ZNF423: variants seen among roughly 807,000 people sequenced by gnomAD.
ZNF423 encodes zinc finger protein 423.
Under a neutral mutation model 95.8 loss-of-function variants are expected in ZNF423, and 12 were observed. That is an observed-to-expected ratio of 0.13 (90% CI 0.08 to 0.20). ZNF423 has a LOEUF of 0.20. ZNF423 is among the 10% of genes least tolerant of loss of function. The pLI is 1.00. For missense variants in ZNF423, 1,316 were observed against 1,737.1 expected (o/e 0.76, Z 4.31); for synonymous variants, 749 against 711.9 (o/e 1.05, Z -0.83).
At chr16:49,661,498 T>G (rs2030226529) in intron 3 of ZNF423, among the ~76,000 whole-genome samples, 1 of 152,164 alleles carries the variant, frequency 6.6e-6, no homozygotes, top group African/African-American at 2.4e-5. Flanking sequence ...CCCTTGTAAT[T>G]TTTTCAGGAG....
intron 1 of ZNF423, among the ~76,000 whole-genome samples, chr16:49,792,352 CA>C (rs2034430603): frequency 6.6e-6 from 1 of 152,196 alleles, no homozygotes; most frequent in African/African-American, 2.4e-5. Flanking sequence ...GGAAAGAGAA[CA>C]GGGAAACACC....
rs139240426 is a variant in ZNF423, at chr16:49,805,521, C to A, written c.41-15975G>T. 5.8e-3 allele frequency among the ~76,000 whole-genome samples: 887 copies of A among 152,302 alleles called. 4 individuals carry two copies. The highest frequency in any genetic ancestry group is 0.021 in the African/African-American group (863 of 41,568). ...CTCTGAAGTTCACCAGGCCATCCTG[C>A]CTCTCTCGGCCCCTTCAAAACAAAC... On this transcript the variant is annotated intron_variant, in intron 1 of 7. Coordinates refer to ENST00000563137, the MANE Select transcript of ZNF423 (RefSeq NM_001379286.1).
intron 2 of ZNF423, among the ~76,000 whole-genome samples, chr16:49,769,089 C>T (rs1025442099): frequency 1.3e-5 from 2 of 152,174 alleles, no homozygotes; most frequent in African/African-American, 2.4e-5. Flanking sequence ...GAAACTTGGG[C>T]ACATGCCTGT....
At chr16:49,600,965 T>A (rs531403711) in intron 5 of ZNF423, among the ~76,000 whole-genome samples, 13 of 152,200 alleles carry the variant, frequency 8.5e-5, no homozygotes, top group African/African-American at 3.1e-4. Context: ...ATCGGAGAAT[T>A]TCTCTGATAT....
At chr16:49,687,875 C>T (rs549457044) in intron 3 of ZNF423, among the ~76,000 whole-genome samples, 2 of 152,204 alleles carry the variant, frequency 1.3e-5, no homozygotes, top group East Asian at 1.9e-4. Context: ...CAGTGCTTGA[C>T]GTCCTCCAGC....
At chr16:49,838,525 G>A (rs962869032) in intron 1 of ZNF423, among the ~76,000 whole-genome samples, 5 of 152,130 alleles carry the variant, frequency 3.3e-5, no homozygotes, top group African/African-American at 1.2e-4. Context: ...CCTTCCCCCA[G>A]CCCCACCCCA....
chr16:49,601,094 CA>C (rs1971355496), intron 5 of ZNF423, among the ~76,000 whole-genome samples: 2 of 152,186 alleles, frequency 1.3e-5, no homozygotes, highest in Non-Finnish European at 2.9e-5. Context: ...TGAGACTGGA[CA>C]AGGCATTCAA....
intron 5 of ZNF423, among the ~76,000 whole-genome samples, chr16:49,564,976 T>A (rs1362909612): frequency 6.6e-6 from 1 of 152,152 alleles, no homozygotes; most frequent in African/African-American, 2.4e-5. Flanking sequence ...GGCCACCTCA[T>A]TTAGAAAGCT....
chr16:49,527,211 C>T (rs769714060), intron 5 of ZNF423, among the ~76,000 whole-genome samples: 1 of 152,040 alleles, frequency 6.6e-6, no homozygotes, highest in African/African-American at 2.4e-5. Context: ...CCCCACATAG[C>T]CCACTGGCTG....
At chr16:49,688,139 C>T (rs13380753) in intron 3 of ZNF423, among the ~76,000 whole-genome samples, 356 of 146,658 alleles carry the variant, frequency 2.4e-3, no homozygotes, top group African/African-American at 8.3e-3. Flanking sequence ...GGCAGGGCTC[C>T]GTGGGGCAGC....
chr16:49,721,674 G>A (rs1266746197), intron 3 of ZNF423, among the ~76,000 whole-genome samples: 15 of 152,084 alleles, frequency 9.9e-5, no homozygotes, highest in Non-Finnish European at 7.3e-5. Context: ...CCACTCTGGC[G>A]CACCCTTGGA....
chr16:49,523,553 T>C, intron 7 of ZNF423, 71 bp downstream of exon 7: 1 of 1,375,026 alleles, frequency 7.3e-7, no homozygotes, highest in South Asian at 1.2e-5. Flanking sequence ...GCCTTAACCC[T>C]GAGACCGTCG....
chr16:49,851,578 C>G (rs1208000855), intron 1 of ZNF423, among the ~76,000 whole-genome samples: 2 of 152,230 alleles, frequency 1.3e-5, no homozygotes, highest in Admixed American at 1.3e-4. Flanking sequence ...GTTCCCCCTC[C>G]TCCTCCTCCT....
At chr16:49,767,238 C>T (rs2033946676) in intron 2 of ZNF423, among the ~76,000 whole-genome samples, 1 of 151,914 alleles carries the variant, frequency 6.6e-6, no homozygotes, top group South Asian at 2.1e-4. Context: ...TTACAGGCCA[C>T]CGTGCCTGGC....
At chr16:49,681,622 G>C (rs1287439763) in intron 3 of ZNF423, among the ~76,000 whole-genome samples, 2 of 152,228 alleles carry the variant, frequency 1.3e-5, no homozygotes, top group African/African-American at 4.8e-5. Context: ...TCAAAGGGAT[G>C]GCTCCCAGGC....
intron 5 of ZNF423, among the ~76,000 whole-genome samples, chr16:49,533,767 C>A (rs80298143): frequency 6.6e-6 from 1 of 152,182 alleles, no homozygotes; most frequent in Non-Finnish European, 1.5e-5. Context: ...CTGGGCCAAG[C>A]GCTTCCCTCT....
intron 5 of ZNF423, among the ~76,000 whole-genome samples, chr16:49,613,488 T>A (rs1971786913): frequency 6.6e-6 from 1 of 151,858 alleles, no homozygotes; most frequent in African/African-American, 2.4e-5. Context: ...AAGCCAGGAG[T>A]TCAACACCAG....
At chr16:49,717,936 A>G (rs2032754831) in intron 3 of ZNF423, among the ~76,000 whole-genome samples, 1 of 152,158 alleles carries the variant, frequency 6.6e-6, no homozygotes, top group Admixed American at 6.5e-5. Flanking sequence ...GCCAGTACTG[A>G]ACTACTGGAC....
chr16:49,781,709 G>A lies in ZNF423; in HGVS notation c.100+7778C>T, dbSNP rs77686182. ...CTGGACATTTCTATCCATTTCCCCA[G>A]CCAAAACCTCGGGGCAAAGGACTGC... On this transcript the variant is annotated intron_variant, in intron 2 of 7. Transcript: ENST00000563137. 8.9e-3 allele frequency among the ~76,000 whole-genome samples: 1,357 copies of A among 152,318 alleles called. 22 individuals carry two copies. Among genetic ancestry groups the A allele is most frequent in the African/African-American group, 0.03 (1,252 of 41,564 alleles).
Sources: gnomAD v4.1 joint callset for allele counts (sites outside exome capture counted in the v4.1 genomes callset) on GRCh38, gnomAD v4.1.1 for gene constraint, MANE v1.5 for transcripts, NCBI Gene and HGNC (gene_info 2026-07-23, HGNC 2026-07-21) for gene names.